Variants in RAB11FIP4 observed in about 807,000 individuals in gnomAD.
RAB11FIP4 encodes the protein rab11 family-interacting protein 4.
Under a neutral mutation model 74.3 loss-of-function variants are expected in RAB11FIP4, and 23 were observed. The observed-to-expected ratio is 0.31, with a 90% CI of 0.22 to 0.44. The LOEUF (loss-of-function observed/expected upper bound fraction) is 0.44. Ranked by LOEUF, RAB11FIP4 falls within the 20% of genes least tolerant of loss-of-function variation. RAB11FIP4 has a pLI of 1.00. For synonymous variants in RAB11FIP4, 360 were observed against 359.9 expected (o/e 1.00, Z 0.00); for missense variants, 630 against 863.9 (o/e 0.73, Z 3.39).
At chr17:31,467,398 C>T (rs1452653160) in intron 3 of RAB11FIP4, among the ~76,000 whole-genome samples, 4 of 152,134 alleles carry the variant, frequency 2.6e-5, no homozygotes, top group African/African-American at 7.2e-5. Flanking sequence ...AGAATACAGG[C>T]GTGAGCCACG....
At position 31,499,899 on chromosome 17, in the gene RAB11FIP4, C is replaced by A. The variant is rs148068120; in HGVS notation, c.337-17752C>A. 4.6e-5 allele frequency among the ~76,000 whole-genome samples: 7 copies of A among 152,290 alleles called. No individual in the cohort carries two copies. The East Asian group carries it at 1.2e-3, about 25-fold the overall frequency. ...GACCTGCAGCTTCTCTTTGAGCTGG[C>A]ATGCCTGGAATTCTTGGGGCTGGCT... On this transcript the variant is annotated intron_variant, in intron 3 of 14. Transcript: ENST00000621161.
In RAB11FIP4 at chr17:31,530,338, C is replaced by G; in HGVS notation, c.1666C>G (p.Leu556Val). 6.2e-7 allele frequency: 1 copy of G among 1,614,156 alleles called. No homozygotes were observed. Among genetic ancestry groups the G allele is most frequent in the Non-Finnish European group, 8.5e-7 (1 of 1,180,018 alleles). Residue 556 changes from leucine to valine, a missense_variant, in exon 14 of 15, where the codon CTG becomes GTG. By Grantham distance (32) the Leu-to-Val change is conservative. Coordinates refer to ENST00000621161, the MANE Select transcript of RAB11FIP4 (RefSeq NM_032932.6). The part of the protein sequence containing the change: ...VKRLKQENYK[L>V]RDQNDDLNGQ... ...CTTCTCTCTGTAGGAGAATTATAAGCTGCGGGATCAGAACGACGACTTGAA... is the reference window on the plus strand; with the variant it reads ...CTTCTCTCTGTAGGAGAATTATAAGGTGCGGGATCAGAACGACGACTTGAA...
At chr17:31,411,304 C>T (rs1169548827) in intron 1 of RAB11FIP4, among the ~76,000 whole-genome samples, 1 of 152,196 alleles carries the variant, frequency 6.6e-6, no homozygotes, top group Admixed American at 6.5e-5. Flanking sequence ...GCAGAGGTTG[C>T]AGTGAGCCAA....
intron 3 of RAB11FIP4, among the ~76,000 whole-genome samples, chr17:31,462,258 T>A (rs2071640709): frequency 6.8e-6 from 1 of 147,504 alleles, no homozygotes; most frequent in African/African-American, 2.6e-5. Flanking sequence ...AGAGCAAGAC[T>A]CCATCTCAAA....
intron 1 of RAB11FIP4, among the ~76,000 whole-genome samples, chr17:31,395,330 A>G (rs770777605): frequency 1.3e-5 from 2 of 152,236 alleles, no homozygotes; most frequent in Non-Finnish European, 2.9e-5. Flanking sequence ...GAAGTGAAGC[A>G]TAACGTCCCA....
chr17:31,466,588 C>G (rs529430924), intron 3 of RAB11FIP4, among the ~76,000 whole-genome samples: 37 of 152,312 alleles, frequency 2.4e-4, no homozygotes, highest in African/African-American at 8.7e-4. Flanking sequence ...GGCTTCTACA[C>G]TCGTCCCACA....
Position 31,391,886 on chromosome 17 carries a change from G to A in RAB11FIP4, c.34G>A (p.Ala12Thr). The change falls in exon 1 of 15, where the codon GCG becomes ACG. Residue 12 changes from alanine (A) to threonine (T), a missense_variant. Transcript: ENST00000621161. The stretch of plus-strand genomic sequence containing the variant: ...CGGCGCGGGCTGGTCGGGCGCCCCC[G>A]CGGCTCTGCTGCGCTCCGTGCGCCG... ...AGGAGWSGAP[A>T]ALLRSVRRLR... The A allele has an allele frequency of 8.3e-7, 1 of 1,204,746 alleles. No homozygotes were observed. The highest frequency in any genetic ancestry group is 1.0e-6 in the Non-Finnish European group (1 of 972,976). The allele number at this position is 1,204,746 out of a possible 1,614,324, so 74.6% of individuals were successfully genotyped here.
chr17:31,461,397 T>C (rs138146953), intron 3 of RAB11FIP4, among the ~76,000 whole-genome samples: 4 of 152,336 alleles, frequency 2.6e-5, no homozygotes, highest in African/African-American at 7.2e-5. Flanking sequence ...TGAGCACTGA[T>C]GTAAGCCCTG....
intron 1 of RAB11FIP4, chr17:31,431,433 G>C (rs2071308518): frequency 5.0e-6 from 1 of 200,182 alleles, no homozygotes; most frequent in Admixed American, 6.3e-5. Context: ...TAGAACAAGA[G>C]AAATGGTGGG....
At chr17:31,472,087 G>T (rs989571604) in intron 3 of RAB11FIP4, among the ~76,000 whole-genome samples, 1 of 152,050 alleles carries the variant, frequency 6.6e-6, no homozygotes, top group Non-Finnish European at 1.5e-5. Context: ...GCTTGAACCC[G>T]GGAGGCGGAG....
intron 4 of RAB11FIP4, among the ~76,000 whole-genome samples, chr17:31,519,208 G>T (rs958220562): frequency 6.6e-6 from 1 of 151,854 alleles, no homozygotes; most frequent in Non-Finnish European, 1.5e-5. Context: ...TAGAGATGGG[G>T]TTTCACCATG....
intron 3 of RAB11FIP4, among the ~76,000 whole-genome samples, chr17:31,471,931 G>A (rs2071741029): frequency 6.6e-6 from 1 of 152,152 alleles, no homozygotes; most frequent in South Asian, 2.1e-4. Flanking sequence ...GGGAGGCAGA[G>A]GTGGGTGGAT....
intron 3 of RAB11FIP4, among the ~76,000 whole-genome samples, chr17:31,485,297 C>T (rs1213341099): frequency 6.6e-6 from 1 of 152,182 alleles, no homozygotes; most frequent in Non-Finnish European, 1.5e-5. Flanking sequence ...TGCAGACATT[C>T]CCCACTCCAC....
intron 3 of RAB11FIP4, among the ~76,000 whole-genome samples, chr17:31,453,187 CA>C (rs1191447727): frequency 6.6e-6 from 1 of 151,672 alleles, no homozygotes; most frequent in Non-Finnish European, 1.5e-5. Context: ...CCCATATCTA[CA>C]AAAAAATTAA....
chr17:31,426,490 T>C (rs2071250764), intron 1 of RAB11FIP4, among the ~76,000 whole-genome samples: 1 of 146,628 alleles, frequency 6.8e-6, no homozygotes, highest in Admixed American at 6.8e-5. Context: ...GATGCTGTTA[T>C]TTATTTTAAA....
At chr17:31,422,756 C>G (rs1033367301) in intron 1 of RAB11FIP4, among the ~76,000 whole-genome samples, 2 of 151,774 alleles carry the variant, frequency 1.3e-5, no homozygotes, top group African/African-American at 4.8e-5. Flanking sequence ...TTCCTTTTTT[C>G]TAGCATCTAT....
chr17:31,502,158 G>A (rs970620616), intron 3 of RAB11FIP4, among the ~76,000 whole-genome samples: 3 of 147,156 alleles, frequency 2.0e-5, no homozygotes, highest in Admixed American at 6.8e-5. Context: ...CAGGAGGGGG[G>A]TGTTGCAGTG....
intron 3 of RAB11FIP4, among the ~76,000 whole-genome samples, chr17:31,446,729 C>T (rs1169770173): frequency 2.0e-5 from 3 of 152,164 alleles, no homozygotes; most frequent in Admixed American, 6.5e-5. Context: ...GACGGTGCTT[C>T]TCCGGGTACC....
At chr17:31,515,372 C>G (rs937693486) in intron 3 of RAB11FIP4, among the ~76,000 whole-genome samples, 5 of 151,792 alleles carry the variant, frequency 3.3e-5, no homozygotes, top group African/African-American at 1.2e-4. Flanking sequence ...CTGCTGTTGG[C>G]GTGCCCGGCT....
Sources: gnomAD v4.1 joint callset for allele counts (sites outside exome capture counted in the v4.1 genomes callset) on GRCh38, gnomAD v4.1.1 for gene constraint, MANE v1.5 for transcripts, NCBI Gene and HGNC (gene_info 2026-07-23, HGNC 2026-07-21) for gene names.